The following TMC6 variants were observed in gnomAD, a reference collection of about 807,000 sequenced individuals.
TMC6 encodes the protein transmembrane channel like 6.
A neutral mutation model predicts 95.4 loss-of-function variants in TMC6; 71 were observed. The observed-to-expected ratio is 0.74, with a 90% CI of 0.61 to 0.91. TMC6 has a LOEUF of 0.91. Among genes scored for constraint, TMC6 ranks in the 40% least tolerant of loss-of-function variants. TMC6 has a pLI of 0.00. For synonymous variants in TMC6, 514 were observed against 483.1 expected (o/e 1.06, Z -0.84); for missense variants, 1,074 against 1,079.1 (o/e 1.00, Z 0.07).
At chr17:78,123,839 A>C in intron 9 of TMC6, 150 bp downstream of exon 9, 1 of 1,040,134 alleles carries the variant, frequency 9.6e-7, no homozygotes, top group Admixed American at 2.0e-5. Context: ...ATGGGTGGGT[A>C]AGTGGATAGT....
chr17:78,119,437 A>C, intron 13 of TMC6, 45 bp from the exon 14 acceptor site: 4 of 1,604,684 alleles, frequency 2.5e-6, no homozygotes, highest in Non-Finnish European at 3.4e-6. Context: ...AGCCATGCCC[A>C]GGGAGGCCAG....
At position 78,122,710 on chromosome 17, in the gene TMC6, G is replaced by A. The variant is rs111339661; in HGVS notation, c.1122C>T (p.Ser374=). ...HSFGESYRVG[S]TSGIHAITVF... Reference sequence around the variant, plus strand: ...CGGTGATGGCGTGGATGCCAGAGGTGCTGCCCACCCGGTAGCTCTCCCCGA... The same window carrying A: ...CGGTGATGGCGTGGATGCCAGAGGTACTGCCCACCCGGTAGCTCTCCCCGA... The change falls in exon 10 of 20, where the codon AGC becomes AGT. Residue 374 remains serine (S), a synonymous_variant. Transcript: ENST00000590602. The surrounding 1 kb of genome is among the most constrained non-coding windows in gnomAD (Gnocchi z 4.9). 1.4e-5 allele frequency: 23 copies of A among 1,611,504 alleles called. No individual in the cohort carries two copies. The African/African-American group carries it at 2.1e-4, about 15-fold the overall frequency.
upstream of TMC6, chr17:78,131,269 C>A: frequency 2.0e-6 from 1 of 490,884 alleles, no homozygotes; most frequent in Non-Finnish European, 3.7e-6. Flanking sequence ...GATCTTTCAC[C>A]CCATTTGACA....
chr17:78,117,586 C>T lies in TMC6; in HGVS notation c.2080G>A (p.Gly694Ser), dbSNP rs201042145. ...TCCAGGTGGCGCACCCACACCCTGC[C>T]GGCCTCGTACATGGTGTCCAGGGTC... Reference protein sequence around the residue: ...FRTLDTMYEAGRVWVRHLEAA... With the variant: ...FRTLDTMYEASRVWVRHLEAA... Residue 694 changes from glycine (G) to serine (S), a missense_variant, in exon 17 of 20, where the codon GGC (glycine) becomes AGC (serine). By Grantham distance (56) the Gly-to-Ser change is moderately conservative. Transcript: ENST00000590602. 25 of 1,584,418 alleles carry T rather than the reference C, an allele frequency of 1.6e-5. No homozygotes were observed. The highest frequency in any genetic ancestry group is 4.0e-5 in the African/African-American group (3 of 74,404).
Position 78,126,916 on chromosome 17 carries a change from CA to C in TMC6, c.-74-11del. ...CCTCCGGAGCCCCCATCTGATGAGA[CA>C]GGGGCACAGAGCCAGGGGTGGTCTT... On this transcript the variant is annotated splice_polypyrimidine_tract_variant and intron_variant, in intron 1 of 19. Transcript: ENST00000590602. 5.3e-6 allele frequency: 8 copies of C among 1,498,798 alleles called. No individual in the cohort carries two copies. Among genetic ancestry groups the C allele is most frequent in the Non-Finnish European group, 7.3e-6 (8 of 1,094,778 alleles). The allele number at this position is 1,498,798 out of a possible 1,614,324, so 92.8% of individuals were successfully genotyped here. A position where few individuals can be genotyped will look rare whatever the true frequency, so the allele number is the denominator to read the frequency against.
intron 19 of TMC6, 140 bp downstream of exon 19, chr17:78,113,407 CG>C (rs1172448759): frequency 6.5e-5 from 80 of 1,239,552 alleles, no homozygotes; most frequent in Non-Finnish European, 7.6e-5. Flanking sequence ...AGGTGGGCGC[CG>C]GGGGGGAGAT....
At chr17:78,116,098 G>A (rs529416686) in intron 18 of TMC6, among the ~76,000 whole-genome samples, 68 of 151,628 alleles carry the variant, frequency 4.5e-4, no homozygotes, top group Non-Finnish European at 8.0e-4. Context: ...TCCTGCCTCC[G>A]CCTCCTGAGT....
At chr17:78,131,600 G>A, upstream of TMC6, 2 of 1,546,834 alleles carry the variant, frequency 1.3e-6, no homozygotes, top group Non-Finnish European at 8.7e-7. Context: ...TGCTGCTGCC[G>A]CGGTCGGTGT....
intron 13 of TMC6, chr17:78,119,881 T>A: frequency 3.0e-6 from 1 of 331,314 alleles, no homozygotes. Flanking sequence ...CTCCTGGGCT[T>A]AAGTGATCCT....
intron 14 of TMC6, 45 bp from the exon 15 acceptor site, chr17:78,119,091 C>G: frequency 6.5e-7 from 1 of 1,547,394 alleles, no homozygotes; most frequent in Non-Finnish European, 8.8e-7. Flanking sequence ...GTGCCCTCCC[C>G]TCCCCGAGAT....
chr17:78,116,791 A>G (rs893152894), intron 18 of TMC6, among the ~76,000 whole-genome samples: 5 of 152,172 alleles, frequency 3.3e-5, no homozygotes, highest in Non-Finnish European at 7.4e-5. Flanking sequence ...GAGGCAAGAC[A>G]GTTGCTTGAA....
chr17:78,129,233 A>G (rs1399014105), upstream of TMC6, among the ~76,000 whole-genome samples: 1 of 151,834 alleles, frequency 6.6e-6, no homozygotes, highest in Non-Finnish European at 1.5e-5. The surrounding 1 kb of genome is among the most constrained non-coding windows in gnomAD (Gnocchi z 4.3). Context: ...ATCTAGCAAG[A>G]GTTCTGGCTC....
At chr17:78,115,619 G>A (rs2074040610) in intron 18 of TMC6, among the ~76,000 whole-genome samples, 1 of 147,886 alleles carries the variant, frequency 6.8e-6, no homozygotes, top group South Asian at 2.2e-4. Context: ...GCAGAGAGGA[G>A]CGAAGGGAGT....
chr17:78,124,825 G>C (rs188818796), intron 7 of TMC6, 44 bp from the exon 8 acceptor site: 14 of 1,578,502 alleles, frequency 8.9e-6, no homozygotes, highest in Non-Finnish European at 1.1e-5. Context: ...GGCCGGAGGA[G>C]GCACTGAGGC....
chr17:78,126,427 AC>A, intron 3 of TMC6, 61 bp from the exon 4 acceptor site: 3 of 1,605,536 alleles, frequency 1.9e-6, no homozygotes, highest in Non-Finnish European at 1.7e-6. Flanking sequence ...AGTATCTCCC[AC>A]CCCATCCCAG....
rs1430883875 is a variant in TMC6, at chr17:78,125,271, AG to A, written c.431-9del. The A allele has an allele frequency of 6.4e-6, 10 of 1,557,790 alleles. No homozygotes were observed. The highest frequency in any genetic ancestry group is 8.7e-6 in the Non-Finnish European group (10 of 1,150,666). ...CCAGGAGGCTCTGCTTCTCTGCGAGAGGGAGAGGGAGGTCCTGCCCATCCCC... is the reference window on the plus strand; with the variant it reads ...CCAGGAGGCTCTGCTTCTCTGCGAGAGGAGAGGGAGGTCCTGCCCATCCCC... On this transcript the variant is annotated splice_polypyrimidine_tract_variant and intron_variant, in intron 5 of 19. Transcript: ENST00000590602.
chr17:78,122,071 C>T lies in TMC6; in HGVS notation c.1228-360G>A, dbSNP rs961943625. Among the ~76,000 whole-genome samples, 1 of 152,116 alleles carries T rather than the reference C, an allele frequency of 6.6e-6. No homozygotes were observed. The highest frequency in any genetic ancestry group is 2.4e-5 in the African/African-American group (1 of 41,414). On this transcript the variant is annotated intron_variant, in intron 10 of 19. Coordinates refer to ENST00000590602, the MANE Select transcript of TMC6 (RefSeq NM_001127198.5). This position sits in a 1 kb window ranked among gnomAD's most constrained non-coding sequence, Gnocchi z 4.9. ...GGTGGCCCCCAGTGACCAGAAGCCC[C>T]CCTACACGGAATGGCTCATGACAGG...
rs2074626733 is a variant in TMC6 at position 78,124,969 on chromosome 17, G to C, written c.553C>G (p.Pro185Ala). The C allele has an allele frequency of 6.3e-7, 1 of 1,593,270 alleles. No individual in the cohort carries two copies. The change falls in exon 7 of 20, where the codon CCG (proline) becomes GCG (alanine). Residue 185 changes from proline (P) to alanine (A), a missense_variant. Coordinates refer to ENST00000590602, the MANE Select transcript of TMC6 (RefSeq NM_001127198.5). ...KRSLREKSRT[P>A]RGKWRGQPGS... ...GGCTGGCCCCTCCACTTCCCCCTCG[G>C]GGTCCTGCTCTTCTCTCTGGGGACA...
chr17:78,125,823 C>G lies in TMC6; in HGVS notation c.333G>C (p.Arg111Ser), dbSNP rs371892251. 1 of 1,555,420 alleles carries G rather than the reference C, an allele frequency of 6.4e-7. No homozygotes were observed. The highest frequency in any genetic ancestry group is 1.2e-5 in the South Asian group (1 of 84,404). ...AGTTCCCGAGCAGGGGCCGGCTGCTCCTGCACCGAAGCTGCACCGTGCGGT... is the reference window on the plus strand; with the variant it reads ...AGTTCCCGAGCAGGGGCCGGCTGCTGCTGCACCGAAGCTGCACCGTGCGGT... ...YYNRTVQLRC[R>S]SSRPLLGNFV... The change falls in exon 5 of 20, where the codon AGG becomes AGC. Residue 111 changes from arginine to serine, a missense_variant. Arg to Ser is a moderately radical substitution (Grantham distance 110). Transcript: ENST00000590602.
Sources: allele counts gnomAD v4.1 joint callset (sites outside exome capture counted in the v4.1 genomes callset), GRCh38; gene constraint gnomAD v4.1.1; non-coding constraint Gnocchi (gnomAD v3.1); transcripts MANE v1.5; gene names NCBI Gene and HGNC (gene_info 2026-07-23, HGNC 2026-07-21).